The following LRRC9 variants were observed in gnomAD, a reference collection of about 807,000 sequenced individuals.
The protein encoded by LRRC9 is leucine-rich repeat-containing protein 9.
A neutral mutation model predicts 63.2 loss-of-function variants in LRRC9; 122 were observed. The observed-to-expected ratio is 1.93, with a 90% CI of 1.67 to 2.24. LRRC9 has a LOEUF of 2.24. Among genes scored for constraint, LRRC9 ranks in the 30% most tolerant of loss-of-function variants. LRRC9 has a pLI of 0.00. For synonymous variants in LRRC9, 366 were observed against 213.1 expected (o/e 1.72, Z -6.25); for missense variants, 1,071 against 627.7 (o/e 1.71, Z -7.55).
intron 29 of LRRC9, among the ~76,000 whole-genome samples, chr14:60,046,191 A>T (rs2140405259): frequency 6.6e-6 from 1 of 152,292 alleles, no homozygotes; most frequent in African/African-American, 2.4e-5. Context: ...AGATGGATAG[A>T]TTGCAGAATT....
chr14:60,042,962 C>T lies in LRRC9; in HGVS notation c.3991-10103C>T, dbSNP rs899604647. Among the ~76,000 whole-genome samples, 2 of 152,148 alleles carry T rather than the reference C, an allele frequency of 1.3e-5. No homozygotes were observed. Among genetic ancestry groups the T allele is most frequent in the African/African-American group, 4.8e-5 (2 of 41,418 alleles). On this transcript the variant is annotated intron_variant, in intron 29 of 31. Transcript: ENST00000445360. The surrounding 1 kb of genome is among the most constrained non-coding windows in gnomAD (Gnocchi z 4.2). ...TTTCCTTTTTTCTGTGTGTCTTTTT[C>T]TATTTCTTTCATCAGAGGTTTATAG...
In LRRC9 at chr14:59,990,641, G is replaced by C. The variant is rs548596518; in HGVS notation, c.2211+5417G>C. On this transcript the variant is annotated intron_variant, in intron 17 of 31. Coordinates refer to ENST00000445360, the Ensembl canonical transcript of LRRC9. The surrounding 1 kb of genome is among the most constrained non-coding windows in gnomAD (Gnocchi z 4.2). ...TGCCTAGGCTGGTCTCAAACTCCTGGTCTCAGGCAGTTCTCCTGCCTCAGC... is the reference window on the plus strand; with the variant it reads ...TGCCTAGGCTGGTCTCAAACTCCTGCTCTCAGGCAGTTCTCCTGCCTCAGC... Among the ~76,000 whole-genome samples the C allele has an allele frequency of 6.6e-6, 1 of 151,638 alleles. No individual in the cohort carries two copies. The highest frequency in any genetic ancestry group is 1.5e-5 in the Non-Finnish European group (1 of 67,930).
intron 29 of LRRC9, among the ~76,000 whole-genome samples, chr14:60,039,397 C>T (rs1413972684): frequency 6.6e-6 from 1 of 152,068 alleles, no homozygotes; most frequent in African/African-American, 2.4e-5. Context: ...TGGTCTTGGA[C>T]TTTTTTTGGT....
At position 60,060,850 on chromosome 14, in the gene LRRC9, T is replaced by C. The variant is rs1894615759; in HGVS notation, c.4277-2473T>C. On this transcript the variant is annotated intron_variant, in intron 31 of 31. Coordinates refer to ENST00000445360, the Ensembl canonical transcript of LRRC9. This position sits in a 1 kb window ranked among gnomAD's most constrained non-coding sequence, Gnocchi z 4.0. ...TTCTAGACGCCATTAAAAACATTTG[T>C]AATTCATCAGAGGAGGTCAAAATAG... Among the ~76,000 whole-genome samples, 1 of 152,236 alleles carries C rather than the reference T, an allele frequency of 6.6e-6. No homozygotes were observed. Among genetic ancestry groups the C allele is most frequent in the Admixed American group, 6.5e-5 (1 of 15,284 alleles).
intron 24 of LRRC9, 72 bp from the exon 25 acceptor site, chr14:60,018,299 A>T: frequency 1.5e-6 from 1 of 688,962 alleles, no homozygotes; most frequent in East Asian, 2.7e-5. Context: ...GCTGTATGTG[A>T]AGGAACTCAC....
intron 28 of LRRC9, among the ~76,000 whole-genome samples, chr14:60,030,135 A>T (rs1566891186): frequency 6.6e-6 from 1 of 152,122 alleles, no homozygotes; most frequent in Non-Finnish European, 1.5e-5. Context: ...ACAAAGGGAC[A>T]ATCAGATTGC....
At position 59,923,053 on chromosome 14, in the gene LRRC9, G is replaced by A. The variant is rs1487697698; in HGVS notation, c.-34+3170G>A. Among the ~76,000 whole-genome samples the A allele has an allele frequency of 6.6e-6, 1 of 152,160 alleles. No individual in the cohort carries two copies. The highest frequency in any genetic ancestry group is 1.5e-5 in the Non-Finnish European group (1 of 68,030). ...GACCTTTAGCCTCTTAAATGGGCCA[G>A]CCCTGAAAGAGCTTCGAAGAGCAGG... On this transcript the variant is annotated intron_variant, in intron 1 of 31. Coordinates refer to ENST00000445360, the Ensembl canonical transcript of LRRC9. The surrounding 1 kb of genome is among the most constrained non-coding windows in gnomAD (Gnocchi z 4.2).
chr14:59,947,418 G>C (rs1256504361), intron 8 of LRRC9, among the ~76,000 whole-genome samples: 1 of 124,340 alleles, frequency 8.0e-6, no homozygotes, highest in Non-Finnish European at 1.6e-5. Flanking sequence ...CCCTTTGTCA[G>C]ATGAGTAGGT....
intron 15 of LRRC9, among the ~76,000 whole-genome samples, chr14:59,979,677 T>A (rs1886711872): frequency 6.6e-6 from 1 of 151,752 alleles, no homozygotes; most frequent in African/African-American, 2.4e-5. Flanking sequence ...GGGACATGGA[T>A]GAAATTGGAA....
At chr14:59,965,195 C>T (rs2139992320) in intron 10 of LRRC9, among the ~76,000 whole-genome samples, 1 of 152,188 alleles carries the variant, frequency 6.6e-6, no homozygotes, top group East Asian at 1.9e-4. Flanking sequence ...TGCGTATGGC[C>T]AGGTGAGGGC....
At chr14:60,037,881 A>G (rs186610751) in intron 29 of LRRC9, among the ~76,000 whole-genome samples, 4 of 152,252 alleles carry the variant, frequency 2.6e-5, no homozygotes, top group African/African-American at 9.6e-5. Flanking sequence ...GTTTTCTTCT[A>G]GGGTTTTTAT....
intron 8 of LRRC9, among the ~76,000 whole-genome samples, chr14:59,946,752 C>T (rs1256452786): frequency 1.4e-5 from 2 of 147,392 alleles, no homozygotes; most frequent in African/African-American, 2.5e-5. Flanking sequence ...TGAGAATATG[C>T]GGTGTTTGGT....
chr14:59,927,675 G>A lies in LRRC9; in HGVS notation c.-33-236G>A, dbSNP rs1483194042. On this transcript the variant is annotated intron_variant, in intron 1 of 31. Coordinates refer to ENST00000445360, the Ensembl canonical transcript of LRRC9. This position sits in a 1 kb window ranked among gnomAD's most constrained non-coding sequence, Gnocchi z 4.4. Reference sequence around the variant, plus strand: ...TCGTGTGGAAAAAAAGTTATACCGAGGAGGTATACTGACAACAAAAGGGAA... The same window carrying A: ...TCGTGTGGAAAAAAAGTTATACCGAAGAGGTATACTGACAACAAAAGGGAA... Among the ~76,000 whole-genome samples the A allele has an allele frequency of 6.6e-6, 1 of 151,804 alleles. No homozygotes were observed. The highest frequency in any genetic ancestry group is 6.6e-5 in the Admixed American group (1 of 15,224).
chr14:59,975,995 G>A (rs1469869401), intron 13 of LRRC9, among the ~76,000 whole-genome samples: 2 of 152,164 alleles, frequency 1.3e-5, no homozygotes, highest in Non-Finnish European at 2.9e-5. Context: ...CATGAGCTCC[G>A]CCTCCTGTCA....
exon 32 of LRRC9, chr14:60,063,544 C>A: frequency 1.0e-5 from 5 of 496,996 alleles, no homozygotes; most frequent in South Asian, 3.2e-5. Flanking sequence ...TTTAATATCA[C>A]CTCTCTTAAA....
In LRRC9 at chr14:59,974,121, T is replaced by C. The variant is rs1885839943; in HGVS notation, c.1507-455T>C. Among the ~76,000 whole-genome samples, 3 of 152,110 alleles carry C rather than the reference T, an allele frequency of 2.0e-5. No individual in the cohort carries two copies. In the South Asian group the frequency reaches 6.2e-4, roughly 31 times the overall value. ...AAGTTAGTCACAATACAAACTAGGA[T>C]TTCCATGGGTTAACACATGAAAAGT... On this transcript the variant is annotated intron_variant, in intron 12 of 31. Transcript: ENST00000445360.
At chr14:59,947,863 C>A (rs1170312276) in intron 8 of LRRC9, among the ~76,000 whole-genome samples, 3 of 151,446 alleles carry the variant, frequency 2.0e-5, no homozygotes, top group Non-Finnish European at 4.4e-5. Flanking sequence ...TTCCATTGAT[C>A]TATGTCTCTG....
intron 27 of LRRC9, among the ~76,000 whole-genome samples, chr14:60,026,687 T>C (rs1255520279): frequency 6.6e-6 from 1 of 152,044 alleles, no homozygotes; most frequent in Non-Finnish European, 1.5e-5. Flanking sequence ...TGATGAGAGA[T>C]AGGGGTCAAG....
intron 29 of LRRC9, among the ~76,000 whole-genome samples, chr14:60,033,253 A>G (rs1892141144): frequency 6.6e-6 from 1 of 152,068 alleles, no homozygotes; most frequent in Non-Finnish European, 1.5e-5. Flanking sequence ...ATAGATTATT[A>G]TCTGCAAATT....
Sources: allele counts gnomAD v4.1 joint callset (sites outside exome capture counted in the v4.1 genomes callset), GRCh38; gene constraint gnomAD v4.1.1; non-coding constraint Gnocchi (gnomAD v3.1); transcripts MANE v1.5; gene names NCBI Gene and HGNC (gene_info 2026-07-23, HGNC 2026-07-21).